The following OXR1 variants were observed in gnomAD, a reference collection of about 807,000 sequenced individuals.
OXR1 encodes oxidation resistance protein 1.
A neutral mutation model predicts 104.6 loss-of-function variants in OXR1; 41 were observed. The ratio of observed to expected loss-of-function variants is 0.39; its 90% CI spans 0.31 to 0.51. OXR1 has a LOEUF of 0.51. Among genes scored for constraint, OXR1 ranks in the 20% least tolerant of loss-of-function variants. The probability of loss-of-function intolerance (pLI) is 0.77; values close to 1 mark genes in which losing one functional copy is unlikely to be tolerated. For missense variants in OXR1, 955 were observed against 1,031.9 expected (o/e 0.93, Z 1.02); for synonymous variants, 348 against 348.4 (o/e 1.00, Z 0.01).
At position 106,475,434 on chromosome 8, in the gene OXR1, G is replaced by A; in HGVS notation, c.24-43509G>A. Among the ~76,000 whole-genome samples, 2 of 151,932 alleles carry A rather than the reference G, an allele frequency of 1.3e-5. 1 individual carries two copies. The highest frequency in any genetic ancestry group is 1.3e-4 in the Admixed American group (2 of 15,208). On this transcript the variant is annotated intron_variant, in intron 2 of 16. Coordinates refer to ENST00000517566, the MANE Select transcript of OXR1 (RefSeq NM_001198533.2). ...CTGAGGAGGAGGAGGAAGAGGTGGG[G>A]TTGGTTTTACTGTCTCATGCGTGGC...
At chr8:106,320,659 T>A (rs1041184756) in intron 1 of OXR1, among the ~76,000 whole-genome samples, 1 of 144,818 alleles carries the variant, frequency 6.9e-6, no homozygotes, top group African/African-American at 2.8e-5. Flanking sequence ...TCTTCTCTTT[T>A]TCTCTCATTC....
chr8:106,570,082 G>A (rs1817367151), intron 3 of OXR1, among the ~76,000 whole-genome samples: 1 of 152,146 alleles, frequency 6.6e-6, no homozygotes, highest in South Asian at 2.1e-4. Flanking sequence ...CCCTGGCCAT[G>A]ATTCTTGCTT....
At chr8:106,335,736 T>C (rs1251338420) in intron 1 of OXR1, among the ~76,000 whole-genome samples, 1 of 152,186 alleles carries the variant, frequency 6.6e-6, no homozygotes, top group Admixed American at 6.5e-5. Context: ...TTTGTTTTTA[T>C]TTTTTTCTTA....
chr8:106,321,203 G>T (rs917457334), intron 1 of OXR1, among the ~76,000 whole-genome samples: 1 of 152,114 alleles, frequency 6.6e-6, no homozygotes, highest in African/African-American at 2.4e-5. Context: ...ACAAAACAGG[G>T]CCTTGTGAAA....
At chr8:106,484,302 A>G (rs993075506) in intron 2 of OXR1, among the ~76,000 whole-genome samples, 1 of 152,082 alleles carries the variant, frequency 6.6e-6, no homozygotes, top group Non-Finnish European at 1.5e-5. Context: ...TAGAATTGCA[A>G]TGTTTCTACC....
At chr8:106,620,250 A>T (rs538894687) in intron 3 of OXR1, among the ~76,000 whole-genome samples, 95 of 152,116 alleles carry the variant, frequency 6.2e-4, no homozygotes, top group African/African-American at 2.0e-3. Flanking sequence ...CATTTTTTTC[A>T]AATTTTAACT....
At chr8:106,313,713 T>C (rs1813808416) in intron 1 of OXR1, among the ~76,000 whole-genome samples, 1 of 152,048 alleles carries the variant, frequency 6.6e-6, no homozygotes, top group African/African-American at 2.4e-5. Flanking sequence ...GTGGCAGGAA[T>C]CCATTGCCAA....
At chr8:106,307,975 C>T (rs117730928) in intron 1 of OXR1, among the ~76,000 whole-genome samples, 4,176 of 152,052 alleles carry the variant, frequency 0.027, 83 homozygotes, top group Middle Eastern at 0.082. Flanking sequence ...CACACACACA[C>T]ACACAAAAAT....
chr8:106,348,712 C>T (rs766867344), intron 1 of OXR1, among the ~76,000 whole-genome samples: 11 of 151,912 alleles, frequency 7.2e-5, no homozygotes, highest in Non-Finnish European at 1.2e-4. Flanking sequence ...ATAAAGTACA[C>T]CTGAAAAACT....
intron 11 of OXR1, among the ~76,000 whole-genome samples, chr8:106,719,880 A>G (rs1832672418): frequency 6.6e-6 from 1 of 151,980 alleles, no homozygotes; most frequent in Admixed American, 6.6e-5. Flanking sequence ...ATCTTGGCTC[A>G]CTGCAAGCTC....
intron 2 of OXR1, among the ~76,000 whole-genome samples, chr8:106,417,483 T>A (rs1818725353): frequency 6.6e-6 from 1 of 152,164 alleles, no homozygotes; most frequent in Admixed American, 6.6e-5. Flanking sequence ...TTTGAGGAGA[T>A]TCATTCATTT....
intron 11 of OXR1, among the ~76,000 whole-genome samples, chr8:106,736,855 G>A (rs1834421373): frequency 6.6e-6 from 1 of 151,838 alleles, no homozygotes. Flanking sequence ...ACAGGAGAGA[G>A]GCAAAAAGTG....
chr8:106,349,597 A>AT (rs1815639131), intron 1 of OXR1, among the ~76,000 whole-genome samples: 4 of 152,198 alleles, frequency 2.6e-5, no homozygotes, highest in Admixed American at 2.6e-4. Context: ...ATAGATTAAA[A>AT]TTTTGAAAAT....
At chr8:106,564,597 A>G (rs1447977160) in intron 3 of OXR1, among the ~76,000 whole-genome samples, 1 of 152,172 alleles carries the variant, frequency 6.6e-6, no homozygotes, top group Non-Finnish European at 1.5e-5. Flanking sequence ...TATTCCAAAC[A>G]ATAGAAAAAG....
In OXR1 at chr8:106,631,829, A is replaced by G. The variant is rs928192807; in HGVS notation, c.221-47381A>G. ...TGGAGAACATATTGCTGAGATAGGG[A>G]TTTAATTGCCAACTGAAAAAATCCC... is the stretch of plus-strand genomic sequence containing the variant. On this transcript the variant is annotated intron_variant, in intron 3 of 16. Coordinates refer to ENST00000517566, the MANE Select transcript of OXR1 (RefSeq NM_001198533.2). 3.9e-5 allele frequency among the ~76,000 whole-genome samples: 6 copies of G among 152,298 alleles called. No individual in the cohort carries two copies. The East Asian group carries it at 5.8e-4, about 15-fold the overall frequency.
At chr8:106,415,634 C>T (rs1818645216) in intron 2 of OXR1, among the ~76,000 whole-genome samples, 1 of 151,400 alleles carries the variant, frequency 6.6e-6, no homozygotes, top group African/African-American at 2.4e-5. Context: ...CAGCTCCTGG[C>T]AAACCAAAAA....
intron 1 of OXR1, among the ~76,000 whole-genome samples, chr8:106,321,970 A>C (rs1194153507): frequency 6.6e-6 from 1 of 152,192 alleles, no homozygotes; most frequent in East Asian, 1.9e-4. Context: ...GCAATAACAA[A>C]ACTTTATTAT....
At chr8:106,419,467 A>G (rs1470271675) in intron 2 of OXR1, among the ~76,000 whole-genome samples, 1 of 152,162 alleles carries the variant, frequency 6.6e-6, no homozygotes, top group African/African-American at 2.4e-5. Flanking sequence ...TGTTGGCTCA[A>G]AAGCTAAACA....
At chr8:106,358,343 G>A (rs1816072135) in intron 1 of OXR1, among the ~76,000 whole-genome samples, 1 of 152,014 alleles carries the variant, frequency 6.6e-6, no homozygotes, top group South Asian at 2.1e-4. Flanking sequence ...TCTTAAACTT[G>A]TAGCCCAGCC....
Sources: allele counts gnomAD v4.1 joint callset (sites outside exome capture counted in the v4.1 genomes callset), GRCh38; gene constraint gnomAD v4.1.1; transcripts MANE v1.5; gene names NCBI Gene and HGNC (gene_info 2026-07-23, HGNC 2026-07-21).